Variants in CENPF observed in about 807,000 individuals in gnomAD.
CENPF encodes AH antigen.
CENPF carries 214 observed loss-of-function variants against 307.3 expected under a neutral mutation model. The observed-to-expected ratio is 0.70, with a 90% CI of 0.62 to 0.78. CENPF has a LOEUF of 0.78. CENPF is among the 30% of genes least tolerant of loss of function. The pLI is 0.00. For synonymous variants in CENPF, 1,259 were observed against 1,270.6 expected, an observed-to-expected ratio of 0.99 and a Z score of 0.19; for missense variants, 3,401 against 3,483.9, an observed-to-expected ratio of 0.98 and a Z score of 0.60.
chr1:214,646,313 T>TA lies in CENPF; in HGVS notation c.6744dup (p.Gln2249ThrfsTer7), dbSNP rs769251374. On this transcript the variant is annotated frameshift_variant, in exon 13 of 20. Coordinates refer to ENST00000366955, the MANE Select transcript of CENPF (RefSeq NM_016343.4). LOFTEE classifies it high-confidence loss of function. The stretch of plus-strand genomic sequence containing the variant: ...TTAGAAGAAAAGGAGCAAGCAGAGA[T>TA]ACAGATCAAAGAAGAATCTAAAACT... 6 of 1,613,996 alleles carry TA rather than the reference T, an allele frequency of 3.7e-6. No homozygotes were observed. The African/African-American group carries it at 6.7e-5, about 18-fold the overall frequency.
chr1:214,608,345 T>C, intron 1 of CENPF: 2 of 1,609,918 alleles, frequency 1.2e-6, no homozygotes, highest in Non-Finnish European at 1.7e-6. Context: ...GCGGCGTCGA[T>C]GTCGGCATAG....
chr1:214,635,898 C>G (rs1476755755), intron 10 of CENPF, among the ~76,000 whole-genome samples: 1 of 152,146 alleles, frequency 6.6e-6, no homozygotes, highest in Admixed American at 6.5e-5. Context: ...TTTTTCCTTC[C>G]TTCCTATTGG....
At chr1:214,614,018 T>A in intron 2 of CENPF, 102 bp downstream of exon 2, 1 of 1,138,838 alleles carries the variant, frequency 8.8e-7, no homozygotes, top group South Asian at 2.2e-5. Flanking sequence ...TTATTTCATC[T>A]TCTTTACATT....
chr1:214,603,382 CGTGGGGGT>C (rs1399738786), intron 1 of CENPF, 61 bp downstream of exon 1: 3 of 153,052 alleles, frequency 2.0e-5, no homozygotes, highest in Admixed American at 6.5e-5. Flanking sequence ...CGGCGGGCGG[CGTGGGGGT>C]GCCGCTGGCT....
chr1:214,623,624 A>G (rs539859902), intron 7 of CENPF, among the ~76,000 whole-genome samples: 3 of 151,854 alleles, frequency 2.0e-5, no homozygotes, highest in Admixed American at 6.6e-5. Flanking sequence ...TCTTTTTTCT[A>G]TTACTCATTC....
chr1:214,631,950 G>C (rs999242038), intron 9 of CENPF, among the ~76,000 whole-genome samples: 4 of 152,198 alleles, frequency 2.6e-5, no homozygotes, highest in Non-Finnish European at 4.4e-5. Context: ...TAATCAAGGA[G>C]TGAAAAATAC....
intron 12 of CENPF, among the ~76,000 whole-genome samples, chr1:214,643,985 G>A (rs1407242109): frequency 2.0e-5 from 3 of 152,346 alleles, no homozygotes; most frequent in Non-Finnish European, 4.4e-5. Flanking sequence ...GTGAGGTAGA[G>A]AAGGCAGGTC....
In CENPF at chr1:214,620,679, G is replaced by A; in HGVS notation, c.598G>A (p.Ala200Thr). 6.2e-7 allele frequency: 1 copy of A among 1,613,684 alleles called. No homozygotes were observed. Among genetic ancestry groups the A allele is most frequent in the Non-Finnish European group, 8.5e-7 (1 of 1,179,872 alleles). ...AKKASQTLPQ[A>T]TMNHRDIARH... ...GAAAGCAAGCCAGACTCTTCCACAA[G>A]CCACCATGAATCACCGCGACATTGC... The change falls in exon 6 of 20, where the codon GCC (alanine) becomes ACC (threonine). Residue 200 changes from alanine (A) to threonine (T), a missense_variant. Ala to Thr is a moderately conservative substitution (Grantham distance 58, BLOSUM62 0). Transcript: ENST00000366955.
rs538665660 is a variant in CENPF, at chr1:214,619,042, C to G, written c.482-87C>G. 345 of 708,286 alleles carry G rather than the reference C, an allele frequency of 4.9e-4. 9 individuals are homozygous for G. The South Asian group carries it at 6.7e-3, about 14-fold the overall frequency. 43.9% of individuals were successfully genotyped at this position (708,286 alleles called of 1,614,324 possible). On this transcript the variant is annotated intron_variant, in intron 4 of 19. Transcript: ENST00000366955. Reference sequence around the variant, plus strand: ...GTTGTTTCTACTAAGATACTCATTTCTAGACTATCAAAATCGTTGTTGATC... The same window carrying G: ...GTTGTTTCTACTAAGATACTCATTTGTAGACTATCAAAATCGTTGTTGATC...
intron 18 of CENPF, among the ~76,000 whole-genome samples, chr1:214,657,623 T>C (rs1240186363): frequency 6.6e-6 from 1 of 152,206 alleles, no homozygotes; most frequent in African/African-American, 2.4e-5. Context: ...GCTGGTAGAT[T>C]GGAAAAATGG....
rs145515591 is a variant in CENPF, at chr1:214,657,975, CA to C, written c.8962+567del. Among the ~76,000 whole-genome samples the C allele has an allele frequency of 3.7e-3, 558 of 152,262 alleles. 3 individuals are homozygous for C. Among genetic ancestry groups the C allele is most frequent in the Non-Finnish European group, 6.3e-3 (427 of 68,020 alleles). On this transcript the variant is annotated intron_variant, in intron 18 of 19. Transcript: ENST00000366955. ...ACTTGATATTTTTGTAACATCCAAG[CA>C]CATATCATGTTTTCTATTGATTTGT...
Position 214,647,173 on chromosome 1 carries a change from G to C in CENPF, c.7603G>C (p.Glu2535Gln), listed in dbSNP as rs1319944370. Residue 2535 changes from glutamate (E) to glutamine (Q), a missense_variant, in exon 13 of 20, where the codon GAG becomes CAG. Physicochemically the swap from Glu to Gln is conservative, Grantham distance 29 (BLOSUM62 2). Coordinates refer to ENST00000366955, the MANE Select transcript of CENPF (RefSeq NM_016343.4). ...SRLKNQIQDQ[E>Q]QLVSKLSQVE... Reference sequence around the variant, plus strand: ...ACTGAAAAATCAAATTCAAGACCAAGAGCAGCTTGTCTCTAAACTGTCCCA... The same window carrying C: ...ACTGAAAAATCAAATTCAAGACCAACAGCAGCTTGTCTCTAAACTGTCCCA... 1 of 1,614,088 alleles carries C rather than the reference G, an allele frequency of 6.2e-7. No individual in the cohort carries two copies. Among genetic ancestry groups the C allele is most frequent in the Admixed American group, 1.7e-5 (1 of 60,016 alleles).
rs2102560889 is a variant in CENPF at position 214,642,166 on chromosome 1, T to G, written c.3828T>G (p.Pro1276=). 6.2e-7 allele frequency: 1 copy of G among 1,614,178 alleles called. No individual in the cohort carries two copies. The highest frequency in any genetic ancestry group is 1.3e-5 in the African/African-American group (1 of 75,054). ...CGGAAGAAAAGTATATTTCAGGGCCTCATGAGTTGTCAACAAGTCAAAACG... is the reference window on the plus strand; with the variant it reads ...CGGAAGAAAAGTATATTTCAGGGCCGCATGAGTTGTCAACAAGTCAAAACG... ...IDAEEKYISG[P]HELSTSQNDN... Residue 1276 remains proline (P), a synonymous_variant, in exon 12 of 20, where the codon CCT becomes CCG. Coordinates refer to ENST00000366955, the MANE Select transcript of CENPF (RefSeq NM_016343.4).
rs1176456053 is a variant in CENPF at position 214,659,124 on chromosome 1, G to A, written c.9141+96G>A. ...GACACTGCACCCCCGATTCAGGAGC[G>A]CTTTCAAAAAGTCTGACCTTCTTGG... On this transcript the variant is annotated intron_variant, in intron 19 of 19. Coordinates refer to ENST00000366955, the MANE Select transcript of CENPF (RefSeq NM_016343.4). The surrounding 1 kb of genome is among the most constrained non-coding windows in gnomAD (Gnocchi z 4.4). 12 of 1,353,118 alleles carry A rather than the reference G, an allele frequency of 8.9e-6. No individual in the cohort carries two copies. In the East Asian group the frequency reaches 1.4e-4, roughly 16 times the overall value. 83.8% of individuals were successfully genotyped at this position (1,353,118 alleles called of 1,614,324 possible). A position where few individuals can be genotyped will look rare whatever the true frequency, so the allele number is the denominator to read the frequency against.
Position 214,658,997 on chromosome 1 carries a change from A to T in CENPF, c.9110A>T (p.Lys3037Ile). The change falls in exon 19 of 20, where the codon AAA (lysine) becomes ATA (isoleucine). Residue 3037 changes from lysine to isoleucine, a missense_variant. Transcript: ENST00000366955. Reference sequence around the variant, plus strand: ...AAAGAAAATCTTGCAGAGTCCTCCAAACCAACAGCTGGTGGCAGCAGATCA... The same window carrying T: ...AAAGAAAATCTTGCAGAGTCCTCCATACCAACAGCTGGTGGCAGCAGATCA... ...LGKENLAESSKPTAGGSRSQK... is the reference protein window; with the variant it reads ...LGKENLAESSIPTAGGSRSQK... 1 of 1,614,072 alleles carries T rather than the reference A, an allele frequency of 6.2e-7. No individual in the cohort carries two copies. Among genetic ancestry groups the T allele is most frequent in the South Asian group, 1.1e-5 (1 of 91,078 alleles).
At chr1:214,607,772 C>T (rs1227498398) in intron 1 of CENPF, among the ~76,000 whole-genome samples, 1 of 152,160 alleles carries the variant, frequency 6.6e-6, no homozygotes, top group African/African-American at 2.4e-5. Context: ...ACCTGGATGA[C>T]TAGGAGGGCT....
intron 18 of CENPF, among the ~76,000 whole-genome samples, chr1:214,658,367 C>G (rs1033512424): frequency 2.0e-5 from 3 of 152,036 alleles, no homozygotes; most frequent in African/African-American, 7.2e-5. Flanking sequence ...TTAGAAAGGT[C>G]AGTTTCTCTC....
At chr1:214,604,247 C>A (rs951508714) in intron 1 of CENPF, among the ~76,000 whole-genome samples, 4 of 152,048 alleles carry the variant, frequency 2.6e-5, no homozygotes, top group African/African-American at 9.7e-5. Context: ...TGAAGAGTGC[C>A]CTCCACGTAT....
At chr1:214,604,087 C>T (rs1398003599) in intron 1 of CENPF, among the ~76,000 whole-genome samples, 1 of 152,124 alleles carries the variant, frequency 6.6e-6, no homozygotes, top group African/African-American at 2.4e-5. Context: ...GGTTATCATT[C>T]TCAGACCCAG....
Sources: allele counts gnomAD v4.1 joint callset (sites outside exome capture counted in the v4.1 genomes callset), GRCh38; gene constraint gnomAD v4.1.1; non-coding constraint Gnocchi (gnomAD v3.1); transcripts MANE v1.5; gene names NCBI Gene and HGNC (gene_info 2026-07-23, HGNC 2026-07-21).